ASXL1: variants seen among roughly 807,000 people sequenced by gnomAD.
The protein encoded by ASXL1 is polycomb group protein ASXL1.
Under a neutral mutation model 89.1 loss-of-function variants are expected in ASXL1, and 65 were observed. That is an observed-to-expected ratio of 0.73 (90% CI 0.60 to 0.90). The LOEUF is 0.90. Among genes scored for constraint, ASXL1 ranks in the 40% least tolerant of loss-of-function variants. The pLI is 0.00. For missense variants in ASXL1, 1,786 were observed against 1,942.9 expected, an observed-to-expected ratio of 0.92 and a Z score of 1.52; for synonymous variants, 739 against 746.9, an observed-to-expected ratio of 0.99 and a Z score of 0.17.
chr20:32,432,917 G>A lies in ASXL1; in HGVS notation c.1017G>A (p.Gln339=), dbSNP rs774511304. 1.9e-6 allele frequency: 3 copies of A among 1,614,000 alleles called. No homozygotes were observed. The South Asian group carries it at 3.3e-5, about 18-fold the overall frequency. The part of the protein sequence containing the change: ...FTHEMQVRIR[Q]EMEKEKKVEQ... ...ATGAGATGCAAGTCAGGATACGACA[G>A]GAAATGGAGAAGGAAAAGAAGGTGG... The change falls in exon 11 of 13, where the codon CAG becomes CAA. Residue 339 remains glutamine, a synonymous_variant. Transcript: ENST00000375687.
chr20:32,421,469 T>A (rs1203270580), intron 4 of ASXL1, among the ~76,000 whole-genome samples: 3 of 152,112 alleles, frequency 2.0e-5, no homozygotes, highest in Non-Finnish European at 2.9e-5. Flanking sequence ...ATTTTTTTTT[T>A]AATAAAGTTA....
At chr20:32,370,725 T>A (rs1002278887) in intron 4 of ASXL1, among the ~76,000 whole-genome samples, 2 of 152,106 alleles carry the variant, frequency 1.3e-5, no homozygotes, top group African/African-American at 2.4e-5. Flanking sequence ...ATAAATAAAG[T>A]TTATCTTGGG....
intron 1 of ASXL1, 161 bp downstream of exon 1, chr20:32,358,993 G>C (rs2048061473): frequency 2.6e-6 from 2 of 774,714 alleles, no homozygotes; most frequent in South Asian, 3.8e-5. Context: ...CGAGGGGTGG[G>C]GAGCGCTCCG....
At position 32,429,628 on chromosome 20, in the gene ASXL1, G is replaced by A; in HGVS notation, c.565+197G>A. On this transcript the variant is annotated intron_variant, in intron 7 of 12. Coordinates refer to ENST00000375687, the MANE Select transcript of ASXL1 (RefSeq NM_015338.6). The surrounding 1 kb of genome is among the most constrained non-coding windows in gnomAD (Gnocchi z 4.9). ...GTGTGCCTTCCTCTTTGTCTCCCAGGGCAGTCGTGAGGATCCAACGGAGGA... is the reference window on the plus strand; with the variant it reads ...GTGTGCCTTCCTCTTTGTCTCCCAGAGCAGTCGTGAGGATCCAACGGAGGA... 2 of 724,986 alleles carry A rather than the reference G, an allele frequency of 2.8e-6. No homozygotes were observed. Among genetic ancestry groups the A allele is most frequent in the Admixed American group, 2.5e-5 (1 of 40,716 alleles). 44.9% of individuals were successfully genotyped at this position (724,986 alleles called of 1,614,324 possible).
At chr20:32,373,015 G>A (rs542161996) in intron 4 of ASXL1, among the ~76,000 whole-genome samples, 1 of 149,004 alleles carries the variant, frequency 6.7e-6, no homozygotes, top group African/African-American at 2.5e-5. Context: ...GGACTCAAGC[G>A]ATCCACCCAC....
intron 4 of ASXL1, among the ~76,000 whole-genome samples, chr20:32,380,142 C>T (rs1428557533): frequency 6.6e-6 from 1 of 150,742 alleles, no homozygotes; most frequent in East Asian, 2.0e-4. Flanking sequence ...ATTAGCTGGG[C>T]GTGGTGGCGG....
chr20:32,372,539 T>C (rs894191131), intron 4 of ASXL1: 5 of 384,052 alleles, frequency 1.3e-5, no homozygotes, highest in Admixed American at 6.1e-5. Flanking sequence ...AATAAATATA[T>C]ATTTAATGAA....
intron 4 of ASXL1, among the ~76,000 whole-genome samples, chr20:32,381,838 G>A (rs1490618398): frequency 6.6e-6 from 1 of 151,486 alleles, no homozygotes; most frequent in Non-Finnish European, 1.5e-5. Flanking sequence ...TCTTAAACTT[G>A]TTAATTCTTG....
chr20:32,433,228 A>C, intron 11 of ASXL1, 56 bp from the exon 12 acceptor site: 1 of 1,611,658 alleles, frequency 6.2e-7, no homozygotes, highest in Middle Eastern at 1.7e-4. Flanking sequence ...TATTCATAGA[A>C]ATAAGAGACA....
intron 4 of ASXL1, among the ~76,000 whole-genome samples, chr20:32,419,064 G>A (rs1454433412): frequency 3.3e-5 from 5 of 151,744 alleles, no homozygotes; most frequent in Admixed American, 2.0e-4. Flanking sequence ...AACTCCTGAC[G>A]TCGTGATCTG....
intron 4 of ASXL1, among the ~76,000 whole-genome samples, chr20:32,417,413 G>A (rs1264381310): frequency 6.6e-6 from 1 of 152,114 alleles, no homozygotes; most frequent in African/African-American, 2.4e-5. Context: ...TATTCCAAGA[G>A]TGTGTTCATT....
intron 4 of ASXL1, among the ~76,000 whole-genome samples, chr20:32,421,759 A>G (rs1184472833): frequency 6.6e-6 from 1 of 152,080 alleles, no homozygotes; most frequent in African/African-American, 2.4e-5. Flanking sequence ...AAGAATATAT[A>G]TGTATGAGTC....
At chr20:32,401,090 A>T (rs187936427) in intron 4 of ASXL1, among the ~76,000 whole-genome samples, 2 of 152,354 alleles carry the variant, frequency 1.3e-5, no homozygotes, top group Non-Finnish European at 2.9e-5. Context: ...AACATTTTAC[A>T]TAACCATAGT....
At position 32,434,493 on chromosome 20, in the gene ASXL1, G is replaced by GC; in HGVS notation, c.1786dup (p.Arg596ProfsTer23). On this transcript the variant is annotated frameshift_variant, in exon 13 of 13. Coordinates refer to ENST00000375687, the MANE Select transcript of ASXL1 (RefSeq NM_015338.6). LOFTEE classifies it low-confidence loss of function (END_TRUNC). ...AAAGGTCAGCCCACTTACCAGATAT[G>GC]CCCCCGGATCATCCCCACCACGGAG... 1 of 1,614,042 alleles carries GC rather than the reference G, an allele frequency of 6.2e-7. No homozygotes were observed. The highest frequency in any genetic ancestry group is 8.5e-7 in the Non-Finnish European group (1 of 1,180,012).
chr20:32,361,645 AAAAAG>A (rs1269121701), intron 1 of ASXL1, among the ~76,000 whole-genome samples: 5 of 151,884 alleles, frequency 3.3e-5, no homozygotes, highest in Admixed American at 1.3e-4. Context: ...AAAAAAAAAA[AAAAAG>A]AAAAAAAGAA....
intron 4 of ASXL1, among the ~76,000 whole-genome samples, chr20:32,408,097 C>T (rs1212151924): frequency 6.6e-6 from 1 of 151,990 alleles, no homozygotes; most frequent in Non-Finnish European, 1.5e-5. Context: ...GCCACCATGC[C>T]TATTTTTCTA....
At chr20:32,432,030 G>C (rs1387614283) in intron 10 of ASXL1, among the ~76,000 whole-genome samples, 1 of 152,124 alleles carries the variant, frequency 6.6e-6, no homozygotes, top group African/African-American at 2.4e-5. Context: ...TGTCTTTTTA[G>C]GCATTGTCAC....
At chr20:32,359,832 A>T (rs566957730) in intron 1 of ASXL1, 3 of 717,696 alleles carry the variant, frequency 4.2e-6, no homozygotes, top group African/African-American at 1.7e-5. Flanking sequence ...CAAAGCTCAG[A>T]CACTTTGAGA....
intron 4 of ASXL1, among the ~76,000 whole-genome samples, chr20:32,407,018 T>C (rs1318643447): frequency 1.3e-5 from 2 of 152,086 alleles, no homozygotes; most frequent in Non-Finnish European, 2.9e-5. Flanking sequence ...TTAAAAAGAT[T>C]GGTTTGTCTT....
Sources: gnomAD v4.1 joint callset for allele counts (sites outside exome capture counted in the v4.1 genomes callset) on GRCh38, gnomAD v4.1.1 for gene constraint, Gnocchi (gnomAD v3.1) non-coding constraint, MANE v1.5 for transcripts, NCBI Gene and HGNC (gene_info 2026-07-23, HGNC 2026-07-21) for gene names.